TECRL: variants seen among roughly 807,000 people sequenced by gnomAD.
The protein encoded by TECRL is trans-2,3-enoyl-CoA reductase-like.
Under a neutral mutation model 52.8 loss-of-function variants are expected in TECRL, and 63 were observed. That is an observed-to-expected ratio of 1.19 (90% CI 0.97 to 1.47). The LOEUF (loss-of-function observed/expected upper bound fraction) is 1.47, where lower values mean the gene tolerates loss of function less well. TECRL is among the 40% of genes most tolerant of loss of function. The probability of loss-of-function intolerance (pLI) is 0.00; values close to 1 mark genes in which losing one functional copy is unlikely to be tolerated. For synonymous variants in TECRL, 164 were observed against 141.9 expected (o/e 1.16, Z -1.10); for missense variants, 482 against 429.6 (o/e 1.12, Z -1.08).
chr4:64,288,434 G>A (rs191241693), intron 9 of TECRL, among the ~76,000 whole-genome samples: 135 of 152,224 alleles, frequency 8.9e-4, no homozygotes, highest in African/African-American at 2.9e-3. Context: ...GGCATTTGAA[G>A]CAAATTGGAG....
At chr4:64,316,284 C>T (rs1288388262) in intron 4 of TECRL, among the ~76,000 whole-genome samples, 1 of 151,966 alleles carries the variant, frequency 6.6e-6, no homozygotes, top group Non-Finnish European at 1.5e-5. Flanking sequence ...GGAAATTAAA[C>T]TATAATCTTA....
At chr4:64,341,224 T>A (rs1457966754) in intron 2 of TECRL, among the ~76,000 whole-genome samples, 2 of 152,132 alleles carry the variant, frequency 1.3e-5, no homozygotes, top group Non-Finnish European at 2.9e-5. Flanking sequence ...CACCCTCCAC[T>A]TGTCTTCATA....
chr4:64,351,074 T>C (rs186398927), intron 2 of TECRL, among the ~76,000 whole-genome samples: 1 of 64,706 alleles, frequency 1.5e-5, no homozygotes, highest in Non-Finnish European at 4.1e-5. Flanking sequence ...CTCACTCATA[T>C]TTAGAAACTA....
chr4:64,312,566 A>G (rs950140999), intron 5 of TECRL, among the ~76,000 whole-genome samples: 2 of 152,056 alleles, frequency 1.3e-5, no homozygotes, highest in Non-Finnish European at 2.9e-5. Context: ...GTTCAAGAAC[A>G]GCCTGGGCAA....
chr4:64,328,599 A>T, intron 2 of TECRL, 43 bp from the exon 3 acceptor site: 1 of 1,544,864 alleles, frequency 6.5e-7, no homozygotes, highest in Non-Finnish European at 8.9e-7. Context: ...AAAAAGTGTA[A>T]CTATAGCTTA....
intron 9 of TECRL, among the ~76,000 whole-genome samples, chr4:64,289,058 T>G (rs1193988021): frequency 4.6e-5 from 7 of 152,178 alleles, no homozygotes; most frequent in Admixed American, 4.6e-4. Flanking sequence ...TTTGTTGAAT[T>G]CTGAAGCATG....
chr4:64,354,663 G>A (rs1472164793), intron 2 of TECRL, among the ~76,000 whole-genome samples: 1 of 152,108 alleles, frequency 6.6e-6, no homozygotes, highest in African/African-American at 2.4e-5. Flanking sequence ...GATGGAATGG[G>A]GTCTGAGGTT....
At chr4:64,280,521 T>C (rs1157218767) in intron 11 of TECRL, among the ~76,000 whole-genome samples, 1 of 152,144 alleles carries the variant, frequency 6.6e-6, no homozygotes, top group Non-Finnish European at 1.5e-5. Context: ...AATATTCCTC[T>C]ACATGCACAT....
chr4:64,370,779 A>G (rs1721920911), intron 2 of TECRL, among the ~76,000 whole-genome samples: 1 of 151,850 alleles, frequency 6.6e-6, no homozygotes, highest in Non-Finnish European at 1.5e-5. Context: ...TATCTCAAGT[A>G]AGGATCCATG....
intron 2 of TECRL, among the ~76,000 whole-genome samples, chr4:64,331,682 G>T (rs893740302): frequency 2.0e-5 from 3 of 151,896 alleles, no homozygotes; most frequent in African/African-American, 4.8e-5. Flanking sequence ...TTTGAGAAAA[G>T]ATCAAATAAA....
chr4:64,279,927 G>T lies in TECRL; in HGVS notation c.*145C>A. On this transcript the variant is annotated 3_prime_UTR_variant, in exon 12 of 12. Transcript: ENST00000381210. Reference sequence around the variant, plus strand: ...TACCATGTGCATTTCTCTAAATTTAGTGAAATTTTACTATTTTATATTTTT... The same window carrying T: ...TACCATGTGCATTTCTCTAAATTTATTGAAATTTTACTATTTTATATTTTT... The T allele has an allele frequency of 8.1e-7, 1 of 1,238,526 alleles. No homozygotes were observed. Among genetic ancestry groups the T allele is most frequent in the Non-Finnish European group, 1.0e-6 (1 of 984,782 alleles). 76.7% of individuals were successfully genotyped at this position (1,238,526 alleles called of 1,614,324 possible).
At chr4:64,284,709 T>G (rs2109932864) in intron 9 of TECRL, among the ~76,000 whole-genome samples, 1 of 152,222 alleles carries the variant, frequency 6.6e-6, no homozygotes, top group Admixed American at 6.6e-5. Flanking sequence ...TATGTTTGGC[T>G]AGTAGAACAC....
intron 1 of TECRL, among the ~76,000 whole-genome samples, chr4:64,394,734 T>C (rs1031410189): frequency 1.3e-5 from 2 of 152,068 alleles, no homozygotes; most frequent in Non-Finnish European, 2.9e-5. Flanking sequence ...GAGAAAAATT[T>C]ATTGGGCATT....
chr4:64,384,390 C>T (rs546488345), intron 1 of TECRL, among the ~76,000 whole-genome samples: 15 of 151,526 alleles, frequency 9.9e-5, no homozygotes, highest in African/African-American at 3.4e-4. Flanking sequence ...GTCCTGAGGC[C>T]CCAAGTTGGC....
chr4:64,359,831 A>T (rs1485466798), intron 2 of TECRL, among the ~76,000 whole-genome samples: 1 of 152,128 alleles, frequency 6.6e-6, no homozygotes, highest in Non-Finnish European at 1.5e-5. Context: ...ATATATAGCA[A>T]TATAAATTTG....
chr4:64,349,279 C>T (rs4860151), intron 2 of TECRL, among the ~76,000 whole-genome samples: 99,015 of 150,980 alleles, frequency 0.66, 34,138 homozygotes, highest in Non-Finnish European at 0.76. Context: ...ATTACAGGCA[C>T]GCACCCCTAC....
chr4:64,281,401 T>C, intron 10 of TECRL, 73 bp downstream of exon 10: 1 of 877,326 alleles, frequency 1.1e-6, no homozygotes, highest in Non-Finnish European at 1.8e-6. Context: ...TTATAATACA[T>C]GTAAATACAT....
chr4:64,282,461 G>T (rs1722875960), intron 9 of TECRL, among the ~76,000 whole-genome samples: 1 of 151,912 alleles, frequency 6.6e-6, no homozygotes, highest in African/African-American at 2.4e-5. Context: ...GCTAAGTATT[G>T]TGCAGATTTT....
intron 1 of TECRL, among the ~76,000 whole-genome samples, chr4:64,392,365 T>A (rs1373523520): frequency 6.6e-6 from 1 of 151,870 alleles, no homozygotes; most frequent in Non-Finnish European, 1.5e-5. Flanking sequence ...ACCAACTATT[T>A]AGTCCAATCT....
Sources: gnomAD v4.1 joint callset for allele counts (sites outside exome capture counted in the v4.1 genomes callset) on GRCh38, gnomAD v4.1.1 for gene constraint, MANE v1.5 for transcripts, NCBI Gene and HGNC (gene_info 2026-07-23, HGNC 2026-07-21) for gene names.